ABTB2: variants seen among roughly 807,000 people sequenced by gnomAD.
The protein encoded by ABTB2 is ankyrin repeat and BTB domain containing 2.
ABTB2 carries 56 observed loss-of-function variants against 104.1 expected under a neutral mutation model. That is an observed-to-expected ratio of 0.54 (90% confidence interval 0.43 to 0.67). The LOEUF (loss-of-function observed/expected upper bound fraction) is 0.67. Among genes scored for constraint, ABTB2 ranks in the 30% least tolerant of loss-of-function variants. ABTB2 has a pLI of 0.00. For synonymous variants in ABTB2, 606 were observed against 608.2 expected (o/e 1.00, Z 0.05); for missense variants, 1,279 against 1,407.7 (o/e 0.91, Z 1.46).
chr11:34,288,717 C>T (rs944222198), intron 1 of ABTB2, among the ~76,000 whole-genome samples: 1 of 147,726 alleles, frequency 6.8e-6, no homozygotes, highest in Non-Finnish European at 1.5e-5. Context: ...AGGTCACTCT[C>T]CTGCAGGCTA....
At chr11:34,203,166 A>G (rs1333307201) in intron 2 of ABTB2, among the ~76,000 whole-genome samples, 1 of 152,158 alleles carries the variant, frequency 6.6e-6, no homozygotes, top group Non-Finnish European at 1.5e-5. Context: ...ACAGCCCTAG[A>G]CACGTCCAGA....
At chr11:34,298,706 C>T (rs1364807174) in intron 1 of ABTB2, among the ~76,000 whole-genome samples, 2 of 152,092 alleles carry the variant, frequency 1.3e-5, no homozygotes, top group Admixed American at 6.5e-5. Context: ...GAGTGATCTG[C>T]CTGCCTCGGC....
At chr11:34,337,758 G>A (rs763099164) in intron 1 of ABTB2, among the ~76,000 whole-genome samples, 1 of 151,980 alleles carries the variant, frequency 6.6e-6, no homozygotes, top group South Asian at 2.1e-4. Flanking sequence ...GTAGGCATTC[G>A]GCAAATAACA....
intron 1 of ABTB2, among the ~76,000 whole-genome samples, chr11:34,241,270 C>T (rs976822973): frequency 3.3e-5 from 5 of 152,144 alleles, no homozygotes; most frequent in African/African-American, 7.2e-5. Context: ...TATCACTGCT[C>T]CCAAGGCCTA....
At chr11:34,294,907 G>A (rs1406804683) in intron 1 of ABTB2, among the ~76,000 whole-genome samples, 1 of 151,686 alleles carries the variant, frequency 6.6e-6, no homozygotes, top group Non-Finnish European at 1.5e-5. Flanking sequence ...GTAGAGACAG[G>A]GTTTCACCAT....
At chr11:34,299,994 A>T (rs986548729) in intron 1 of ABTB2, among the ~76,000 whole-genome samples, 3 of 152,238 alleles carry the variant, frequency 2.0e-5, no homozygotes, top group African/African-American at 7.2e-5. Context: ...TAAAGTAGTT[A>T]GCACAGTGCC....
intron 1 of ABTB2, among the ~76,000 whole-genome samples, chr11:34,265,997 A>G (rs776177322): frequency 6.6e-6 from 1 of 151,218 alleles, no homozygotes; most frequent in Non-Finnish European, 1.5e-5. Flanking sequence ...ACCATCAGAA[A>G]CTCCAAGCAG....
intron 1 of ABTB2, among the ~76,000 whole-genome samples, chr11:34,323,894 C>T (rs7104186): frequency 0.13 from 19,207 of 146,094 alleles, 1,542 homozygotes; most frequent in East Asian, 0.31. Flanking sequence ...TTTACATCAA[C>T]GTAAATTCCC....
intron 1 of ABTB2, among the ~76,000 whole-genome samples, chr11:34,344,483 T>G (rs1440587572): frequency 6.6e-6 from 1 of 152,174 alleles, no homozygotes; most frequent in Admixed American, 6.5e-5. Flanking sequence ...GTGGCCTGTC[T>G]CCCAGCCAAC....
chr11:34,223,484 G>C (rs1853651149), intron 1 of ABTB2, among the ~76,000 whole-genome samples: 1 of 152,160 alleles, frequency 6.6e-6, no homozygotes, highest in African/African-American at 2.4e-5. Context: ...TAGGAGCGTA[G>C]GCTGCTGCTA....
intron 1 of ABTB2, among the ~76,000 whole-genome samples, chr11:34,270,073 T>G (rs1854295350): frequency 6.6e-6 from 1 of 152,194 alleles, no homozygotes; most frequent in East Asian, 1.9e-4. Flanking sequence ...CCAGCCCTTT[T>G]CTCATGGATG....
chr11:34,236,542 C>T (rs113526397), intron 1 of ABTB2, among the ~76,000 whole-genome samples: 1,950 of 152,284 alleles, frequency 0.013, 26 homozygotes, highest in Non-Finnish European at 0.018. Flanking sequence ...TTTTAGGTAG[C>T]TTGAAGCCAG....
At chr11:34,320,417 GA>G (rs1854985764) in intron 1 of ABTB2, among the ~76,000 whole-genome samples, 1 of 152,172 alleles carries the variant, frequency 6.6e-6, no homozygotes, top group Non-Finnish European at 1.5e-5. Context: ...CAGTCTGGTT[GA>G]TGATTAAAAC....
chr11:34,273,013 A>G (rs2611111), intron 1 of ABTB2, among the ~76,000 whole-genome samples: 50,311 of 151,996 alleles, frequency 0.33, 10,655 homozygotes, highest in African/African-American at 0.59. Context: ...AAGGCTAGGA[A>G]GATTAAATAA....
chr11:34,347,749 T>C (rs1590265979), intron 1 of ABTB2, among the ~76,000 whole-genome samples: 1 of 150,632 alleles, frequency 6.6e-6, no homozygotes, highest in East Asian at 1.9e-4. Flanking sequence ...CTTGAAATCT[T>C]TATTATCAAT....
At position 34,152,303 on chromosome 11, in the gene ABTB2, C is replaced by T. The variant is rs1852553241; in HGVS notation, c.*84G>A. The T allele has an allele frequency of 4.9e-6, 7 of 1,437,062 alleles. No individual in the cohort carries two copies. The highest frequency in any genetic ancestry group is 1.4e-5 in the African/African-American group (1 of 70,638). The allele number at this position is 1,437,062 out of a possible 1,614,324, so 89.0% of individuals were successfully genotyped here. Reference sequence around the variant, plus strand: ...AGGAAACAGCCCCGTGAACCTGGCTCCAAGAGGGCCTACAACCATACCCCG... The same window carrying T: ...AGGAAACAGCCCCGTGAACCTGGCTTCAAGAGGGCCTACAACCATACCCCG... On this transcript the variant is annotated 3_prime_UTR_variant, in exon 17 of 17. Coordinates refer to ENST00000435224, the MANE Select transcript of ABTB2 (RefSeq NM_145804.3).
intron 1 of ABTB2, among the ~76,000 whole-genome samples, chr11:34,291,980 T>C (rs1194118600): frequency 6.6e-6 from 1 of 152,032 alleles, no homozygotes; most frequent in Non-Finnish European, 1.5e-5. Context: ...ACTAGGAACC[T>C]GAATGCAACT....
chr11:34,341,991 C>T (rs1189091748), intron 1 of ABTB2, among the ~76,000 whole-genome samples: 3 of 152,096 alleles, frequency 2.0e-5, no homozygotes, highest in African/African-American at 2.4e-5. Context: ...TGACAAATGC[C>T]TTTGGCTTAT....
chr11:34,195,389 G>C (rs187822892), intron 3 of ABTB2, among the ~76,000 whole-genome samples: 3 of 152,214 alleles, frequency 2.0e-5, no homozygotes, highest in African/African-American at 7.2e-5. Context: ...CCCAGCTCCC[G>C]CCAAAGGTGT....
Sources: gnomAD v4.1 joint callset for allele counts (sites outside exome capture counted in the v4.1 genomes callset) on GRCh38, gnomAD v4.1.1 for gene constraint, MANE v1.5 for transcripts, NCBI Gene and HGNC (gene_info 2026-07-23, HGNC 2026-07-21) for gene names.